Variants in WDR7 observed in about 807,000 individuals in gnomAD.
WDR7 encodes the protein WD repeat-containing protein 7.
In WDR7, 46 loss-of-function variants were observed where a neutral mutation model predicts 169.4. The observed-to-expected ratio is 0.27, with a 90% CI of 0.21 to 0.35. The LOEUF (loss-of-function observed/expected upper bound fraction) is 0.35, where lower values mean the gene tolerates loss of function less well. WDR7 is among the 10% of genes least tolerant of loss of function. The probability of loss-of-function intolerance (pLI) is 1.00; values close to 1 mark genes in which losing one functional copy is unlikely to be tolerated. For synonymous variants in WDR7, 612 were observed against 666.8 expected, an observed-to-expected ratio of 0.92 and a Z score of 1.27; for missense variants, 1,534 against 1,859.3, an observed-to-expected ratio of 0.83 and a Z score of 3.22.
chr18:56,657,339 G>A (rs568282058), intron 1 of WDR7, among the ~76,000 whole-genome samples: 142 of 152,056 alleles, frequency 9.3e-4, no homozygotes, highest in Middle Eastern at 3.4e-3. Flanking sequence ...TGTATTTTTA[G>A]TAGAGATGGG....
chr18:56,959,086 G>C (rs1304353774), intron 25 of WDR7, among the ~76,000 whole-genome samples: 1 of 152,084 alleles, frequency 6.6e-6, no homozygotes, highest in East Asian at 1.9e-4. Flanking sequence ...GCCCATAAAA[G>C]CCTCCTTTGT....
intron 17 of WDR7, among the ~76,000 whole-genome samples, chr18:56,778,855 G>A (rs981966524): frequency 1.3e-5 from 2 of 152,182 alleles, no homozygotes; most frequent in African/African-American, 4.8e-5. Flanking sequence ...TTCCAAATTG[G>A]GGGTTATGTT....
At chr18:56,748,046 C>T (rs149587136) in intron 14 of WDR7, among the ~76,000 whole-genome samples, 130 of 152,138 alleles carry the variant, frequency 8.5e-4, no homozygotes, top group African/African-American at 3.1e-3. Flanking sequence ...ATACTAGGAG[C>T]TCTTTGGACT....
Position 56,672,692 on chromosome 18 carries a change from C to G in WDR7, c.159+18C>G, listed in dbSNP as rs927368181. 1.3e-6 allele frequency: 2 copies of G among 1,576,632 alleles called. No homozygotes were observed. Among genetic ancestry groups the G allele is most frequent in the African/African-American group, 2.7e-5 (2 of 73,198 alleles). On this transcript the variant is annotated intron_variant, in intron 2 of 27. Transcript: ENST00000254442. ...AACTGCAAGTGAGTATGTGAAATGC[C>G]TATTATACATTTTAGATATAAAAAT...
intron 26 of WDR7, among the ~76,000 whole-genome samples, chr18:56,966,277 T>G (rs896930396): frequency 7.2e-5 from 11 of 151,966 alleles, no homozygotes; most frequent in Non-Finnish European, 1.5e-4. Context: ...AAAAGTTACG[T>G]CAAGTGTGCC....
At chr18:56,923,107 C>CA (rs148745744) in intron 21 of WDR7, among the ~76,000 whole-genome samples, 2 of 151,992 alleles carry the variant, frequency 1.3e-5, no homozygotes, top group African/African-American at 4.8e-5. Flanking sequence ...TTCTTCCCCT[C>CA]AAAAAAACAA....
intron 16 of WDR7, among the ~76,000 whole-genome samples, chr18:56,763,176 G>T (rs191500173): frequency 1.6e-4 from 25 of 152,178 alleles, no homozygotes. Context: ...AGCCAGGATG[G>T]TCTTGAGCTC....
Position 56,682,802 on chromosome 18 carries a change from T to C in WDR7, c.469T>C (p.Ser157Pro), listed in dbSNP as rs768790791. The change falls in exon 5 of 28, where the codon TCA becomes CCA. Residue 157 changes from serine (S) to proline (P), a missense_variant. By Grantham distance (74) the Ser-to-Pro change is moderately conservative (BLOSUM62 -1). Coordinates refer to ENST00000254442, the MANE Select transcript of WDR7 (RefSeq NM_015285.3). Reference protein sequence around the residue: ...EVLYSLVSKISPDWISSMSII... With the variant: ...EVLYSLVSKIPPDWISSMSII... ...ATTATACTCCTTAGTATCAAAGATA[T>C]CACCAGACTGGATTAGCTCCATGAG... 1 of 1,613,830 alleles carries C rather than the reference T, an allele frequency of 6.2e-7. No individual in the cohort carries two copies. The highest frequency in any genetic ancestry group is 8.5e-7 in the Non-Finnish European group (1 of 1,179,792).
intron 19 of WDR7, among the ~76,000 whole-genome samples, chr18:56,794,304 A>ATTTTTTTTTTGTTT (rs2044544306): frequency 2.0e-5 from 1 of 49,466 alleles, no homozygotes; most frequent in Non-Finnish European, 3.8e-5. Flanking sequence ...GGTAAAGTCT[A>ATTTTTTTTTTGTTT]TTTTTTTTTT....
At chr18:56,886,305 G>T (rs2046192918) in intron 21 of WDR7, among the ~76,000 whole-genome samples, 1 of 152,106 alleles carries the variant, frequency 6.6e-6, no homozygotes, top group African/African-American at 2.4e-5. Context: ...AAAACCAGAA[G>T]GGATTGAGGC....
intron 14 of WDR7, among the ~76,000 whole-genome samples, chr18:56,743,160 C>A (rs528760232): frequency 4.6e-5 from 7 of 152,148 alleles, no homozygotes; most frequent in Non-Finnish European, 7.4e-5. Flanking sequence ...AGCTCTATCA[C>A]GTGTGATATC....
chr18:56,692,353 G>A (rs553082748), intron 9 of WDR7, among the ~76,000 whole-genome samples: 144 of 151,218 alleles, frequency 9.5e-4, no homozygotes, highest in Non-Finnish European at 1.7e-3. Context: ...ACTTAATGTT[G>A]AAGTACAACA....
chr18:56,679,218 A>G (rs1011514286), intron 2 of WDR7, 114 bp from the exon 3 acceptor site: 5 of 773,326 alleles, frequency 6.5e-6, no homozygotes, highest in Admixed American at 5.6e-5. Flanking sequence ...GGGCTAGAAT[A>G]AAAAATCTTA....
chr18:56,791,535 A>G (rs767381074), intron 19 of WDR7, among the ~76,000 whole-genome samples: 74 of 151,836 alleles, frequency 4.9e-4, no homozygotes, highest in Non-Finnish European at 7.5e-4. Flanking sequence ...TTAAGCAAGG[A>G]TCTGTCTTCA....
At chr18:56,966,224 G>T (rs568788348) in intron 26 of WDR7, among the ~76,000 whole-genome samples, 2 of 152,184 alleles carry the variant, frequency 1.3e-5, no homozygotes, top group South Asian at 4.2e-4. Flanking sequence ...TTGAACAAGG[G>T]TTTGGACTGT....
chr18:56,795,993 A>G (rs1309861707), intron 19 of WDR7, among the ~76,000 whole-genome samples: 1 of 152,228 alleles, frequency 6.6e-6, no homozygotes, highest in African/African-American at 2.4e-5. Flanking sequence ...TTTATTAGAT[A>G]ACACGATGAC....
At chr18:56,947,954 A>G (rs556771013) in intron 25 of WDR7, among the ~76,000 whole-genome samples, 20 of 152,358 alleles carry the variant, frequency 1.3e-4, no homozygotes, top group African/African-American at 4.3e-4. Flanking sequence ...TTCTACAAAT[A>G]TAATGTACTT....
At chr18:56,807,489 TGATG>T (rs776788145) in intron 19 of WDR7, among the ~76,000 whole-genome samples, 1 of 152,206 alleles carries the variant, frequency 6.6e-6, no homozygotes, top group Non-Finnish European at 1.5e-5. Flanking sequence ...ATTTTTTAAA[TGATG>T]GATCAATTTT....
chr18:56,875,757 A>C (rs1051602073), intron 20 of WDR7, among the ~76,000 whole-genome samples: 1 of 152,204 alleles, frequency 6.6e-6, no homozygotes, highest in African/African-American at 2.4e-5. Flanking sequence ...CAATGAGGGC[A>C]GGGCTTTACT....
Sources: gnomAD v4.1 joint callset for allele counts (sites outside exome capture counted in the v4.1 genomes callset) on GRCh38, gnomAD v4.1.1 for gene constraint, MANE v1.5 for transcripts, NCBI Gene and HGNC (gene_info 2026-07-23, HGNC 2026-07-21) for gene names.